REDIC1: variants seen among roughly 807,000 people sequenced by gnomAD.
The protein encoded by REDIC1 is HEI10 Interacting Protein 1.
At chr12:39,650,468 T>C in the REDIC1 span, 1 of 1,344,296 alleles carries the variant, frequency 7.4e-7, no homozygotes, top group Admixed American at 3.5e-5. The surrounding 1 kb of genome is among the most constrained non-coding windows in gnomAD (Gnocchi z 4.3). Context: ...CAGTCCTAAG[T>C]AATACTTCTA....
the REDIC1 span, among the ~76,000 whole-genome samples, chr12:39,825,333 C>A: frequency 2.6e-5 from 4 of 152,046 alleles, no homozygotes; most frequent in African/African-American, 9.7e-5. Flanking sequence ...AATTCTAATG[C>A]CTGATTTGTC....
chr12:39,694,290 G>A, the REDIC1 span, among the ~76,000 whole-genome samples: 1 of 152,138 alleles, frequency 6.6e-6, no homozygotes, highest in Non-Finnish European at 1.5e-5. Flanking sequence ...CTGCATAAGA[G>A]CACTCATAGT....
chr12:39,718,572 C>A, the REDIC1 span, among the ~76,000 whole-genome samples: 129 of 152,210 alleles, frequency 8.5e-4, no homozygotes, highest in African/African-American at 3.0e-3. Context: ...TGGTCATAAA[C>A]CTGACTGCAT....
the REDIC1 span, among the ~76,000 whole-genome samples, chr12:39,711,372 TATAC>T: frequency 6.8e-6 from 1 of 146,842 alleles, no homozygotes; most frequent in Admixed American, 6.9e-5. Flanking sequence ...TATATACACA[TATAC>T]ATATATGTAT....
At chr12:39,776,837 A>G in the REDIC1 span, among the ~76,000 whole-genome samples, 1 of 152,248 alleles carries the variant, frequency 6.6e-6, no homozygotes, top group Non-Finnish European at 1.5e-5. Flanking sequence ...AAGTTATAAC[A>G]AAGTGATGGC....
At chr12:39,715,351 G>A in the REDIC1 span, among the ~76,000 whole-genome samples, 21 of 151,740 alleles carry the variant, frequency 1.4e-4, no homozygotes, top group Admixed American at 4.6e-4. Context: ...CGTTTCCTTC[G>A]TTGAAGATCA....
chr12:39,768,108 G>A, the REDIC1 span, among the ~76,000 whole-genome samples: 3 of 152,186 alleles, frequency 2.0e-5, no homozygotes, highest in East Asian at 1.9e-4. Context: ...CTTGCAACAA[G>A]GTGTGAAGTG....
At chr12:39,771,384 A>G in the REDIC1 span, among the ~76,000 whole-genome samples, 1 of 152,176 alleles carries the variant, frequency 6.6e-6, no homozygotes, top group Non-Finnish European at 1.5e-5. Flanking sequence ...TTGGAGAAGC[A>G]AGTCGCCATG....
At chr12:39,831,194 C>T in the REDIC1 span, among the ~76,000 whole-genome samples, 37 of 152,198 alleles carry the variant, frequency 2.4e-4, no homozygotes, top group African/African-American at 7.9e-4. Flanking sequence ...AGATGAACAA[C>T]GACAATGTAA....
At chr12:39,846,591 A>G in the REDIC1 span, among the ~76,000 whole-genome samples, 1 of 152,164 alleles carries the variant, frequency 6.6e-6, no homozygotes. Context: ...AGCTGAGTCT[A>G]CAGGCACATA....
the REDIC1 span, among the ~76,000 whole-genome samples, chr12:39,827,015 T>G: frequency 2.0e-5 from 3 of 149,088 alleles, no homozygotes; most frequent in South Asian, 7.0e-4. Flanking sequence ...CAAAAAGTAA[T>G]GGTAAAACCG....
At chr12:39,716,629 G>C in the REDIC1 span, 1 of 611,794 alleles carries the variant, frequency 1.6e-6, no homozygotes, top group Non-Finnish European at 2.8e-6. Flanking sequence ...ACTAATTTTG[G>C]TACATTTTAA....
At chr12:39,747,710 C>G in the REDIC1 span, among the ~76,000 whole-genome samples, 2 of 152,236 alleles carry the variant, frequency 1.3e-5, no homozygotes, top group African/African-American at 4.8e-5. Context: ...GGAAGCCCAT[C>G]AGACTAACAG....
the REDIC1 span, among the ~76,000 whole-genome samples, chr12:39,877,156 T>A: frequency 6.6e-6 from 1 of 152,184 alleles, no homozygotes; most frequent in Non-Finnish European, 1.5e-5. Flanking sequence ...ACTCTATTAG[T>A]CTGCTCTTAT....
chr12:39,718,282 T>A, the REDIC1 span, among the ~76,000 whole-genome samples: 1 of 152,278 alleles, frequency 6.6e-6, no homozygotes, highest in Non-Finnish European at 1.5e-5. Context: ...ATTAGAGATG[T>A]TGTGCTTCAA....
At chr12:39,842,451 C>A in the REDIC1 span, among the ~76,000 whole-genome samples, 1 of 151,980 alleles carries the variant, frequency 6.6e-6, no homozygotes, top group Non-Finnish European at 1.5e-5. Flanking sequence ...ATTGAGAAAA[C>A]TGATCAGCAT....
the REDIC1 span, among the ~76,000 whole-genome samples, chr12:39,901,209 T>A: frequency 1.3e-5 from 2 of 152,156 alleles, no homozygotes; most frequent in Non-Finnish European, 2.9e-5. Flanking sequence ...ATTAAAGACT[T>A]AAACGTTAGA....
At chr12:39,710,894 T>C in the REDIC1 span, among the ~76,000 whole-genome samples, 1 of 151,334 alleles carries the variant, frequency 6.6e-6, no homozygotes, top group Non-Finnish European at 1.5e-5. Context: ...TCAGTATTCT[T>C]TTTTTTTAAT....
At chr12:39,791,379 T>A in the REDIC1 span, among the ~76,000 whole-genome samples, 1 of 59,116 alleles carries the variant, frequency 1.7e-5, no homozygotes, top group East Asian at 6.0e-4. Context: ...GCCAGGGCAA[T>A]CAGGCAGGAG....
Sources: gnomAD v4.1 joint callset for allele counts (sites outside exome capture counted in the v4.1 genomes callset) on GRCh38, gnomAD v4.1.1 for gene constraint, Gnocchi (gnomAD v3.1) non-coding constraint, MANE v1.5 for transcripts, NCBI Gene and HGNC (gene_info 2026-07-23, HGNC 2026-07-21) for gene names.